MIAT: variants seen among roughly 807,000 people sequenced by gnomAD.
MIAT encodes the protein myocardial infarction associated transcript.
exon 5 of MIAT, chr22:26,674,661 A>T (rs542292276): frequency 2.5e-6 from 1 of 398,646 alleles, no homozygotes; most frequent in South Asian, 1.3e-4. Flanking sequence ...TCTTAGAAAG[A>T]GCTTTGAGAA....
chr22:26,669,275 A>G (rs1213985707), exon 6 of MIAT: 1 of 398,640 alleles, frequency 2.5e-6, no homozygotes, highest in African/African-American at 2.1e-5. Flanking sequence ...GGGCTGCCAC[A>G]GCACCATGCC....
intron 2 of MIAT, among the ~76,000 whole-genome samples, chr22:26,655,443 A>AACAATATTC (rs1471239369): frequency 6.6e-6 from 1 of 152,192 alleles, no homozygotes; most frequent in Non-Finnish European, 1.5e-5. Context: ...GAAGATGATA[A>AACAATATTC]ACAATATTCA....
intron 3 of MIAT, among the ~76,000 whole-genome samples, chr22:26,665,115 T>G (rs1930796682): frequency 2.0e-5 from 3 of 151,656 alleles, no homozygotes; most frequent in African/African-American, 7.3e-5. Context: ...GTGGCACACA[T>G]CTGTAATCTC....
chr22:26,648,716 A>G (rs570350696), intron 2 of MIAT, among the ~76,000 whole-genome samples: 22 of 152,338 alleles, frequency 1.4e-4, no homozygotes, highest in Admixed American at 5.2e-4. Context: ...AGTCAAAGCA[A>G]CAGCATCTGC....
At chr22:26,673,869 C>A, downstream of MIAT, 1 of 398,634 alleles carries the variant, frequency 2.5e-6, no homozygotes, top group Non-Finnish European at 4.4e-6. Context: ...AGAAGTATAG[C>A]CAGTCTTGCA....
At chr22:26,674,358 G>T (rs750490594), downstream of MIAT, 1 of 398,794 alleles carries the variant, frequency 2.5e-6, no homozygotes. Flanking sequence ...GATTCCAGGT[G>T]CAGGTAAAAG....
intron 1 of MIAT, chr22:26,647,027 G>A: frequency 5.0e-6 from 2 of 398,130 alleles, no homozygotes; most frequent in Admixed American, 4.4e-5. Context: ...CATTTGATTG[G>A]CTTTTAAAGG....
chr22:26,670,223 G>C (rs1037070183), downstream of MIAT: 1 of 398,362 alleles, frequency 2.5e-6, no homozygotes, highest in Non-Finnish European at 4.4e-6. Context: ...GCTTCCTGGG[G>C]TATTTAAATT....
chr22:26,660,841 A>G (rs994034993), intron 2 of MIAT: 4 of 151,884 alleles, frequency 2.6e-5, no homozygotes, highest in African/African-American at 9.7e-5. Flanking sequence ...CCTTCTCTCC[A>G]TGTGTGTCCA....
At chr22:26,647,846 G>T (rs560461349) in intron 2 of MIAT, among the ~76,000 whole-genome samples, 1 of 151,972 alleles carries the variant, frequency 6.6e-6, no homozygotes, top group African/African-American at 2.4e-5. Context: ...ATGACTTGGC[G>T]GAATGTTCCA....
Position 26,648,362 on chromosome 22 carries a change from G to A in MIAT, n.646+1051G>A, listed in dbSNP as rs1230699166. ...GATGGAGACACGGCCCTGCACGCAC[G>A]TAGGCAAGCGCACACGCTGGAGACA... On this transcript the variant is annotated intron_variant and non_coding_transcript_variant, in intron 2 of 5. Transcript: ENST00000643270. 2.6e-5 allele frequency among the ~76,000 whole-genome samples: 4 copies of A among 152,138 alleles called. No individual in the cohort carries two copies. In the East Asian group the frequency reaches 7.7e-4, roughly 29 times the overall value.
chr22:26,674,640 G>T (rs1931194272), downstream of MIAT: 7 of 398,718 alleles, frequency 1.8e-5, no homozygotes, highest in South Asian at 7.6e-4. Flanking sequence ...GGGCACAAGA[G>T]AGAAAAGATG....
chr22:26,653,765 C>T (rs1255761119), intron 2 of MIAT, among the ~76,000 whole-genome samples: 1 of 152,120 alleles, frequency 6.6e-6, no homozygotes, highest in Non-Finnish European at 1.5e-5. Flanking sequence ...CCTTCTCTTC[C>T]CCTTTGCTCT....
At chr22:26,667,332 C>G (rs1220474811) in intron 5 of MIAT, 1 of 297,408 alleles carries the variant, frequency 3.4e-6, no homozygotes, top group African/African-American at 4.5e-5. Flanking sequence ...GTCCTGGGAG[C>G]AGTGTGTGTG....
chr22:26,662,716 T>A (rs1373376931), intron 2 of MIAT, among the ~76,000 whole-genome samples: 2 of 152,222 alleles, frequency 1.3e-5, no homozygotes, highest in Non-Finnish European at 2.9e-5. Flanking sequence ...ACATCTCTTG[T>A]ACGTCTCAGA....
exon 1 of MIAT, chr22:26,646,589 G>A (rs999816402): frequency 1.0e-5 from 4 of 398,234 alleles, no homozygotes; most frequent in African/African-American, 2.1e-5. Context: ...ACTGAAATTT[G>A]GCTCAGATCC....
At chr22:26,648,553 G>A (rs1930279137) in intron 2 of MIAT, among the ~76,000 whole-genome samples, 1 of 109,000 alleles carries the variant, frequency 9.2e-6, no homozygotes, top group South Asian at 2.9e-4. Flanking sequence ...AGTTTGATGG[G>A]GTTTTGTTTT....
exon 5 of MIAT, chr22:26,676,337 G>C (rs1779283559): frequency 5.0e-6 from 2 of 398,546 alleles, no homozygotes; most frequent in Admixed American, 4.4e-5. Context: ...TGTGTGGGTA[G>C]AAATTTCTCT....
At chr22:26,646,867 A>C (rs1396325784) in exon 1 of MIAT, 3 of 398,506 alleles carry the variant, frequency 7.5e-6, no homozygotes, top group Non-Finnish European at 1.3e-5. Flanking sequence ...ACCACAGGCC[A>C]CAGGAATAGA....
Sources: allele counts gnomAD v4.1 joint callset (sites outside exome capture counted in the v4.1 genomes callset), GRCh38; gene constraint gnomAD v4.1.1; transcripts MANE v1.5; gene names NCBI Gene and HGNC (gene_info 2026-07-23, HGNC 2026-07-21).